The following CSMD1 variants were observed in gnomAD, a reference collection of about 807,000 sequenced individuals.
CSMD1 encodes the protein CUB and sushi domain-containing protein 1.
A neutral mutation model predicts 417.5 loss-of-function variants in CSMD1; 213 were observed. The observed-to-expected ratio is 0.51, with a 90% CI of 0.46 to 0.57. CSMD1 has a LOEUF of 0.57. Ranked by LOEUF, CSMD1 falls within the 20% of genes least tolerant of loss-of-function variation. The probability of loss-of-function intolerance (pLI) is 0.00; values close to 1 mark genes in which losing one functional copy is unlikely to be tolerated. For synonymous variants in CSMD1, 2,862 were observed against 1,736.8 expected, an observed-to-expected ratio of 1.65 and a Z score of -16.11; for missense variants, 6,923 against 4,529.7, an observed-to-expected ratio of 1.53 and a Z score of -15.17.
chr8:4,597,069 G>C (rs1800323621), intron 2 of CSMD1, among the ~76,000 whole-genome samples: 1 of 151,712 alleles, frequency 6.6e-6, no homozygotes, highest in Non-Finnish European at 1.5e-5. Flanking sequence ...CCTTGGGTAT[G>C]TCTTTTTCAG....
chr8:4,637,757 G>T (rs1033619669), intron 1 of CSMD1, among the ~76,000 whole-genome samples, 199 bp from the exon 2 acceptor site: 2 of 139,340 alleles, frequency 1.4e-5, no homozygotes, highest in Non-Finnish European at 1.5e-5. Flanking sequence ...TGCAAGCTCC[G>T]CTTCCCGGGT....
chr8:3,924,620 T>C (rs1465416993), intron 5 of CSMD1, among the ~76,000 whole-genome samples: 2 of 152,198 alleles, frequency 1.3e-5, no homozygotes, highest in African/African-American at 2.4e-5. Context: ...ACTAATTCTA[T>C]TTTCTGATTG....
intron 1 of CSMD1, among the ~76,000 whole-genome samples, chr8:4,861,338 G>A (rs1365583421): frequency 1.3e-5 from 2 of 152,098 alleles, no homozygotes; most frequent in African/African-American, 4.8e-5. Context: ...TGTGAAGCTT[G>A]ACATTTCAGG....
At chr8:4,632,903 G>C (rs1296504178) in intron 2 of CSMD1, among the ~76,000 whole-genome samples, 1 of 152,210 alleles carries the variant, frequency 6.6e-6, no homozygotes, top group Non-Finnish European at 1.5e-5. Flanking sequence ...AGGTCAAGGA[G>C]TAACCCACAG....
intron 1 of CSMD1, among the ~76,000 whole-genome samples, chr8:4,877,199 T>C (rs6558930): frequency 0.93 from 140,972 of 151,980 alleles, 65,948 homozygotes; most frequent in Non-Finnish European, 0.98. Context: ...TGAATGAGTA[T>C]GCAATGTAGC....
chr8:4,722,356 T>C (rs964453244), intron 1 of CSMD1, among the ~76,000 whole-genome samples: 1 of 152,190 alleles, frequency 6.6e-6, no homozygotes, highest in Non-Finnish European at 1.5e-5. Flanking sequence ...TTTAATTTTA[T>C]CAAAGGCAAA....
intron 37 of CSMD1, among the ~76,000 whole-genome samples, chr8:3,173,775 T>C (rs1820732580): frequency 6.6e-6 from 1 of 152,164 alleles, no homozygotes; most frequent in Non-Finnish European, 1.5e-5. Context: ...TTCACCAAAA[T>C]TCCAATTAAG....
At chr8:3,548,013 G>C (rs1798748556) in intron 10 of CSMD1, among the ~76,000 whole-genome samples, 1 of 152,142 alleles carries the variant, frequency 6.6e-6, no homozygotes, top group African/African-American at 2.4e-5. Flanking sequence ...AAGGAAATGA[G>C]TTTATAAACT....
rs11371186 is a variant in CSMD1, at chr8:4,015,661, TAAAA to T, written c.610+16240_610+16243del. Among the ~76,000 whole-genome samples the T allele has an allele frequency of 1.9e-4, 19 of 97,474 alleles. No homozygotes were observed. The East Asian group carries it at 5.5e-3, about 28-fold the overall frequency. The allele number at this position is 97,474 out of a possible 152,430, so 63.9% of individuals were successfully genotyped here. ...AATAGATAAAAATCAGTTTGAATCT[TAAAA>T]AAAAAAAAAAAAAAAAAACTCAAGA... On this transcript the variant is annotated intron_variant, in intron 4 of 69. Coordinates refer to ENST00000635120, the MANE Select transcript of CSMD1 (RefSeq NM_033225.6).
chr8:3,881,700 G>T, intron 5 of CSMD1, among the ~76,000 whole-genome samples: 1 of 149,292 alleles, frequency 6.7e-6, no homozygotes. Context: ...GAAAAAAAGA[G>T]AAAAGCAGAG....
chr8:3,789,888 C>T (rs572868895), intron 5 of CSMD1, among the ~76,000 whole-genome samples: 13 of 152,078 alleles, frequency 8.5e-5, no homozygotes, highest in East Asian at 1.9e-4. Flanking sequence ...CCCACCACCA[C>T]GCCTGGCTAA....
intron 3 of CSMD1, among the ~76,000 whole-genome samples, chr8:4,122,923 C>G (rs1169369609): frequency 6.6e-6 from 1 of 152,202 alleles, no homozygotes; most frequent in Non-Finnish European, 1.5e-5. Context: ...GGACACAAAT[C>G]CACGTTAAAT....
chr8:3,695,392 C>T (rs1800494986), intron 7 of CSMD1, among the ~76,000 whole-genome samples: 1 of 149,076 alleles, frequency 6.7e-6, no homozygotes, highest in Non-Finnish European at 1.5e-5. Flanking sequence ...GTCCTGTATG[C>T]TAAAACTCAC....
chr8:3,175,996 A>G (rs7828114), intron 37 of CSMD1, among the ~76,000 whole-genome samples: 30,669 of 152,028 alleles, frequency 0.2, 3,408 homozygotes, highest in East Asian at 0.45. Context: ...GAGTTCAAAC[A>G]TACCAATTAG....
intron 5 of CSMD1, among the ~76,000 whole-genome samples, chr8:3,775,586 T>C (rs181319664): frequency 3.3e-5 from 5 of 152,198 alleles, no homozygotes; most frequent in African/African-American, 4.8e-5. Context: ...TGTGGACTCA[T>C]GTGCTCTTGT....
At chr8:4,543,791 G>T (rs11776338) in intron 2 of CSMD1, among the ~76,000 whole-genome samples, 42,852 of 150,400 alleles carry the variant, frequency 0.28, 6,774 homozygotes, top group South Asian at 0.39. Flanking sequence ...ATTCTCACCA[G>T]CATTTGATGT....
intron 5 of CSMD1, among the ~76,000 whole-genome samples, chr8:3,770,413 C>G (rs1018538009): frequency 6.6e-6 from 1 of 152,056 alleles, no homozygotes; most frequent in Admixed American, 6.6e-5. Context: ...CCTGTAATTC[C>G]AGCTACTCGA....
At chr8:4,487,377 C>A (rs1364242370) in intron 2 of CSMD1, among the ~76,000 whole-genome samples, 1 of 152,144 alleles carries the variant, frequency 6.6e-6, no homozygotes, top group African/African-American at 2.4e-5. Context: ...CATGCGTTCT[C>A]ATTGTTCAGT....
chr8:3,263,508 G>C lies in CSMD1; in HGVS notation c.4153+20636C>G, dbSNP rs757536730. On this transcript the variant is annotated intron_variant, in intron 26 of 69. Coordinates refer to ENST00000635120, the MANE Select transcript of CSMD1 (RefSeq NM_033225.6). The stretch of plus-strand genomic sequence containing the variant: ...CAAAGAGCCTTATAATCAGTTATTG[G>C]AAAGAGAATATTACTGGTCTATAGT... 3.1e-4 allele frequency among the ~76,000 whole-genome samples: 47 copies of C among 152,108 alleles called. 1 individual carries two copies. Among genetic ancestry groups the C allele is most frequent in the Non-Finnish European group, 1.0e-4 (7 of 68,012 alleles).
Sources: allele counts gnomAD v4.1 joint callset (sites outside exome capture counted in the v4.1 genomes callset), GRCh38; gene constraint gnomAD v4.1.1; transcripts MANE v1.5; gene names NCBI Gene and HGNC (gene_info 2026-07-23, HGNC 2026-07-21).